The following TMC7 variants were observed in gnomAD, a reference collection of about 807,000 sequenced individuals.
TMC7 encodes the protein transmembrane channel like 7, also known as transmembrane channel-like protein 7.
TMC7 carries 54 observed loss-of-function variants against 82.9 expected under a neutral mutation model. The ratio of observed to expected loss-of-function variants is 0.65; its 90% CI spans 0.52 to 0.82. The LOEUF is 0.82. Ranked by LOEUF, TMC7 falls within the 40% of genes least tolerant of loss-of-function variation. The pLI is 0.00. For synonymous variants in TMC7, 350 were observed against 337.9 expected, an observed-to-expected ratio of 1.04 and a Z score of -0.39; for missense variants, 820 against 901.2, an observed-to-expected ratio of 0.91 and a Z score of 1.15.
At chr16:18,993,126 G>A (rs1452468258) in intron 1 of TMC7, among the ~76,000 whole-genome samples, 3 of 152,174 alleles carry the variant, frequency 2.0e-5, no homozygotes, top group Admixed American at 1.3e-4. Context: ...TGATAGTGTG[G>A]TGGAGATAGC....
intron 13 of TMC7, among the ~76,000 whole-genome samples, chr16:19,055,974 T>C (rs181975537): frequency 1.2e-4 from 18 of 152,366 alleles, no homozygotes; most frequent in African/African-American, 4.1e-4. Context: ...GGATTTGTCT[T>C]GTTATTTTCT....
intron 3 of TMC7, among the ~76,000 whole-genome samples, chr16:19,021,400 CTCATACGATTCTCAAGTGATTAAT>C: frequency 6.6e-6 from 1 of 152,176 alleles, no homozygotes; most frequent in African/African-American, 2.4e-5. Context: ...TGAGCCCTCC[CTCATACGATTCTCAAGTGATTAAT>C]TCAAGATTGA....
chr16:18,986,970 A>G (rs1467890650), intron 1 of TMC7, among the ~76,000 whole-genome samples: 3 of 150,732 alleles, frequency 2.0e-5, no homozygotes, highest in Non-Finnish European at 4.4e-5. Context: ...ACGCCTGGCT[A>G]ATTTTTTTGT....
chr16:19,037,386 C>CAAAAAAAAA (rs34990574), intron 7 of TMC7, among the ~76,000 whole-genome samples: 1 of 13,236 alleles, frequency 7.6e-5, no homozygotes, highest in Non-Finnish European at 3.1e-4. Flanking sequence ...GACTCTGTCT[C>CAAAAAAAAA]AAAAAAAAAA....
chr16:19,010,240 C>T (rs751447816), intron 2 of TMC7, among the ~76,000 whole-genome samples: 4 of 147,338 alleles, frequency 2.7e-5, no homozygotes, highest in Non-Finnish European at 6.0e-5. Context: ...CGGCAACCTC[C>T]ACCTCCTGGA....
At chr16:19,026,010 A>G (rs1960209323) in intron 5 of TMC7, among the ~76,000 whole-genome samples, 1 of 151,906 alleles carries the variant, frequency 6.6e-6, no homozygotes. Context: ...TCCTGAGCTC[A>G]AGCAATCCAC....
rs539997253 is a variant in TMC7 at position 18,992,501 on chromosome 16, T to C, written c.67+8371T>C. Among the ~76,000 whole-genome samples the C allele has an allele frequency of 3.3e-5, 5 of 152,330 alleles. No individual in the cohort carries two copies. In the South Asian group the frequency reaches 1.0e-3, roughly 32 times the overall value. On this transcript the variant is annotated intron_variant, in intron 1 of 15. Transcript: ENST00000304381. ...CTTTGTAGATTCCGGATATTAGCCT[T>C]TTGTCAGATAAGTAGATTTCAAAAA...
At chr16:19,010,148 C>CCTCCCCTCCCCTCCCCTCCTCTCCT in intron 2 of TMC7, among the ~76,000 whole-genome samples, 1 of 136,644 alleles carries the variant, frequency 7.3e-6, no homozygotes, top group Non-Finnish European at 1.6e-5. Context: ...CCTCCCCTCC[C>CCTCCCCTCCCCTCCCCTCCTCTCCT]CTCCCCTCCT....
chr16:19,034,170 T>C (rs1259932425), intron 6 of TMC7, among the ~76,000 whole-genome samples: 1 of 152,202 alleles, frequency 6.6e-6, no homozygotes, highest in Non-Finnish European at 1.5e-5. Flanking sequence ...CCAAAGTATA[T>C]AGTCCATATA....
chr16:19,053,949 C>T (rs1442972600), intron 13 of TMC7, among the ~76,000 whole-genome samples: 1 of 151,346 alleles, frequency 6.6e-6, no homozygotes, highest in Non-Finnish European at 1.5e-5. Context: ...TCTCAAAGCA[C>T]TGGGATTACA....
At chr16:19,034,123 C>T (rs903360178) in intron 6 of TMC7, among the ~76,000 whole-genome samples, 2 of 152,182 alleles carry the variant, frequency 1.3e-5, no homozygotes, top group Non-Finnish European at 2.9e-5. Flanking sequence ...TAATTTAAGT[C>T]ATTTATTCAT....
intron 2 of TMC7, among the ~76,000 whole-genome samples, chr16:19,013,399 T>G (rs1959489360): frequency 6.6e-6 from 1 of 151,428 alleles, no homozygotes; most frequent in Non-Finnish European, 1.5e-5. Flanking sequence ...TGTATTTTAG[T>G]AGAGACAGGG....
At chr16:18,997,141 G>A (rs1485648790) in intron 1 of TMC7, among the ~76,000 whole-genome samples, 1 of 152,210 alleles carries the variant, frequency 6.6e-6, no homozygotes, top group Non-Finnish European at 1.5e-5. Flanking sequence ...GAGTGAGGGC[G>A]AGGACAGGGG....
intron 14 of TMC7, among the ~76,000 whole-genome samples, chr16:19,057,956 T>C (rs1366542124): frequency 6.6e-6 from 1 of 151,962 alleles, no homozygotes; most frequent in African/African-American, 2.4e-5. Context: ...GATTTTTTTT[T>C]TTTTTTAGGA....
chr16:19,029,760 A>C (rs1960420783), intron 5 of TMC7, among the ~76,000 whole-genome samples: 1 of 150,752 alleles, frequency 6.6e-6, no homozygotes, highest in Non-Finnish European at 1.5e-5. Context: ...AGCTCACAGC[A>C]ACCTCTGCCT....
At chr16:19,043,343 C>T (rs7194710) in intron 9 of TMC7, among the ~76,000 whole-genome samples, 46,753 of 151,980 alleles carry the variant, frequency 0.31, 7,456 homozygotes, top group Non-Finnish European at 0.34. Context: ...TGTAGTGTCA[C>T]TATGTCATCA....
chr16:19,035,657 G>A lies in TMC7; in HGVS notation c.858-19G>A. The A allele has an allele frequency of 6.2e-7, 1 of 1,614,096 alleles. No homozygotes were observed. Among genetic ancestry groups the A allele is most frequent in the Non-Finnish European group, 8.5e-7 (1 of 1,179,990 alleles). Reference sequence around the variant, plus strand: ...TTGCTGTTGTTTCTATAAGAAGGATGATTGTGTTTTGGGGTCAGGTCGGTG... The same window carrying A: ...TTGCTGTTGTTTCTATAAGAAGGATAATTGTGTTTTGGGGTCAGGTCGGTG... On this transcript the variant is annotated intron_variant, in intron 6 of 15. Coordinates refer to ENST00000304381, the MANE Select transcript of TMC7 (RefSeq NM_024847.4).
intron 1 of TMC7, among the ~76,000 whole-genome samples, chr16:18,999,967 GT>G (rs2142144209): frequency 6.6e-6 from 1 of 151,900 alleles, no homozygotes; most frequent in Admixed American, 6.6e-5. Flanking sequence ...GTTTCACCAT[GT>G]TAGCCAGGAT....
intron 5 of TMC7, among the ~76,000 whole-genome samples, chr16:19,027,976 C>T (rs751778670): frequency 7.2e-5 from 11 of 152,156 alleles, no homozygotes; most frequent in Non-Finnish European, 1.5e-4. Flanking sequence ...CCATGGTTTA[C>T]AGCCTACTTG....
Sources: gnomAD v4.1 joint callset for allele counts (sites outside exome capture counted in the v4.1 genomes callset) on GRCh38, gnomAD v4.1.1 for gene constraint, MANE v1.5 for transcripts, NCBI Gene and HGNC (gene_info 2026-07-23, HGNC 2026-07-21) for gene names.